PSMB7: variants seen among roughly 807,000 people sequenced by gnomAD.
PSMB7 encodes the protein proteasome 20S subunit beta 7, also known as proteasome subunit beta type-7.
A neutral mutation model predicts 28.1 loss-of-function variants in PSMB7; 5 were observed. The observed-to-expected ratio is 0.18, with a 90% CI of 0.09 to 0.37. The LOEUF (loss-of-function observed/expected upper bound fraction) is 0.37, where lower values mean the gene tolerates loss of function less well. Ranked by LOEUF, PSMB7 falls within the 10% of genes least tolerant of loss-of-function variation. The pLI is 1.00. For synonymous variants in PSMB7, 122 were observed against 123.7 expected, an observed-to-expected ratio of 0.99 and a Z score of 0.09; for missense variants, 275 against 346.2, an observed-to-expected ratio of 0.79 and a Z score of 1.63.
At chr9:124,363,275 C>A (rs1830479162) in intron 6 of PSMB7, among the ~76,000 whole-genome samples, 1 of 152,206 alleles carries the variant, frequency 6.6e-6, no homozygotes, top group African/African-American at 2.4e-5. Context: ...GAGGTCTGAA[C>A]ACGATGTGTT....
chr9:124,381,141 G>A (rs1168424952), intron 6 of PSMB7, among the ~76,000 whole-genome samples: 1 of 152,142 alleles, frequency 6.6e-6, no homozygotes, highest in Non-Finnish European at 1.5e-5. Context: ...ACCACGTAAG[G>A]TTAGCGCTGG....
chr9:124,367,466 G>A (rs1313358874), intron 6 of PSMB7, among the ~76,000 whole-genome samples: 2 of 151,970 alleles, frequency 1.3e-5, no homozygotes, highest in Non-Finnish European at 1.5e-5. Context: ...CACAGCATTC[G>A]GATAAACTCT....
At chr9:124,414,687 A>C (rs533614416) in intron 2 of PSMB7, among the ~76,000 whole-genome samples, 155 bp downstream of exon 2, 59 of 152,284 alleles carry the variant, frequency 3.9e-4, no homozygotes, top group Middle Eastern at 3.4e-3. Context: ...AAGCACACAA[A>C]ACCTGACAAA....
intron 6 of PSMB7, chr9:124,384,320 G>A (rs748948629): frequency 8.0e-6 from 3 of 375,272 alleles, no homozygotes; most frequent in South Asian, 1.2e-4. Flanking sequence ...AACATTCCAC[G>A]TTACCACCGC....
At chr9:124,361,558 AATTATTTATAAC>A (rs1213405385) in intron 6 of PSMB7, among the ~76,000 whole-genome samples, 2 of 152,238 alleles carry the variant, frequency 1.3e-5, no homozygotes, top group African/African-American at 4.8e-5. Context: ...GTGTTTGATA[AATTATTTATAAC>A]ATGGGCGATT....
chr9:124,375,003 T>C (rs1185903257), intron 6 of PSMB7, among the ~76,000 whole-genome samples: 1 of 151,336 alleles, frequency 6.6e-6, no homozygotes, highest in African/African-American at 2.4e-5. Context: ...CAGCCGGGCA[T>C]GGTGGCGCAC....
chr9:124,374,879 T>C (rs1830594453), intron 6 of PSMB7, among the ~76,000 whole-genome samples: 1 of 152,126 alleles, frequency 6.6e-6, no homozygotes, highest in South Asian at 2.1e-4. Flanking sequence ...CGGTGGCTCA[T>C]GCCCGTAATC....
intron 3 of PSMB7, 127 bp from the exon 4 acceptor site, chr9:124,412,619 G>A (rs1334236451): frequency 4.4e-6 from 4 of 905,236 alleles, no homozygotes; most frequent in Non-Finnish European, 6.5e-6. Context: ...TATCTATGCT[G>A]TAACTTCTCT....
At chr9:124,380,946 ATAGAAT>A (rs1262121777) in intron 6 of PSMB7, among the ~76,000 whole-genome samples, 2 of 152,374 alleles carry the variant, frequency 1.3e-5, no homozygotes, top group African/African-American at 2.4e-5. Context: ...GGTTTAAAAA[ATAGAAT>A]TAGATGATAT....
intron 6 of PSMB7, among the ~76,000 whole-genome samples, chr9:124,370,886 T>G (rs1830555836): frequency 6.6e-6 from 1 of 152,212 alleles, no homozygotes; most frequent in Non-Finnish European, 1.5e-5. Flanking sequence ...ATTTTAAACT[T>G]AATTTTCCAC....
chr9:124,407,780 A>T (rs886491373), intron 4 of PSMB7, among the ~76,000 whole-genome samples: 30 of 152,210 alleles, frequency 2.0e-4, no homozygotes, highest in African/African-American at 6.8e-4. Context: ...TATGATGATT[A>T]AAAAAGTGGA....
At chr9:124,408,525 A>G (rs1422528502) in intron 4 of PSMB7, among the ~76,000 whole-genome samples, 1 of 152,242 alleles carries the variant, frequency 6.6e-6, no homozygotes, top group Non-Finnish European at 1.5e-5. Flanking sequence ...ATGGTTCTTA[A>G]GCTTTTATGG....
chr9:124,394,398 A>C (rs1216403564), intron 5 of PSMB7, among the ~76,000 whole-genome samples: 1 of 152,236 alleles, frequency 6.6e-6, no homozygotes, highest in African/African-American at 2.4e-5. Context: ...CCAATTCTGA[A>C]ACAAGAGCAG....
intron 6 of PSMB7, among the ~76,000 whole-genome samples, chr9:124,382,200 C>CTTTTTTT (rs1164339420): frequency 1.6e-4 from 9 of 55,960 alleles, no homozygotes; most frequent in Admixed American, 3.1e-4. Flanking sequence ...TCTCTTTTCT[C>CTTTTTTT]TTTTTTTTTT....
At chr9:124,408,876 A>C (rs962227379) in intron 4 of PSMB7, among the ~76,000 whole-genome samples, 1 of 152,194 alleles carries the variant, frequency 6.6e-6, no homozygotes, top group Non-Finnish European at 1.5e-5. Context: ...TTTTACAATT[A>C]TATTATTTTT....
intron 5 of PSMB7, among the ~76,000 whole-genome samples, chr9:124,392,969 G>A (rs146272868): frequency 1.1e-4 from 16 of 152,272 alleles, no homozygotes; most frequent in Middle Eastern, 3.4e-3. Context: ...CTGACAGAGC[G>A]CTTACTCACA....
At chr9:124,373,692 C>G (rs1046352554) in intron 6 of PSMB7, among the ~76,000 whole-genome samples, 6 of 152,168 alleles carry the variant, frequency 3.9e-5, no homozygotes, top group African/African-American at 9.7e-5. Context: ...ACACACCCAC[C>G]AGGATGACTA....
chr9:124,354,844 G>A (rs542503509), intron 7 of PSMB7, among the ~76,000 whole-genome samples: 1 of 152,346 alleles, frequency 6.6e-6, no homozygotes, highest in Admixed American at 6.5e-5. Flanking sequence ...CCACCCCTCA[G>A]TGTCTCCGGG....
chr9:124,360,330 C>T (rs976989634), intron 6 of PSMB7, among the ~76,000 whole-genome samples: 1 of 152,224 alleles, frequency 6.6e-6, no homozygotes, highest in African/African-American at 2.4e-5. Context: ...ATTAGTTCTT[C>T]GTAGGGAAAC....
Sources: gnomAD v4.1 joint callset for allele counts (sites outside exome capture counted in the v4.1 genomes callset) on GRCh38, gnomAD v4.1.1 for gene constraint, MANE v1.5 for transcripts, NCBI Gene and HGNC (gene_info 2026-07-23, HGNC 2026-07-21) for gene names.